Variants in ADGRL3 observed in about 807,000 individuals in gnomAD.
ADGRL3 encodes the protein calcium-independent alpha-latrotoxin receptor 3.
In ADGRL3, 62 loss-of-function variants were observed where a neutral mutation model predicts 153.5. The observed-to-expected ratio is 0.40, with a 90% CI of 0.33 to 0.50. The LOEUF is 0.50. Ranked by LOEUF, ADGRL3 falls within the 20% of genes least tolerant of loss-of-function variation. The pLI is 0.47. For synonymous variants in ADGRL3, 710 were observed against 672.5 expected (o/e 1.06, Z -0.86); for missense variants, 1,641 against 1,859.4 (o/e 0.88, Z 2.16).
chr4:61,775,772 T>C (rs2097140708), intron 8 of ADGRL3: 2 of 811,260 alleles, frequency 2.5e-6, no homozygotes, highest in Non-Finnish European at 4.4e-6. Context: ...CAATCGTGGA[T>C]GAGGGCAGTC....
intron 7 of ADGRL3, among the ~76,000 whole-genome samples, chr4:61,731,623 C>T (rs2096444331): frequency 6.6e-6 from 1 of 152,082 alleles, no homozygotes; most frequent in African/African-American, 2.4e-5. Context: ...GTGAAATTTG[C>T]TCACCCTTCC....
At position 62,072,054 on chromosome 4, in the gene ADGRL3, G is replaced by A. The variant is rs1577781757; in HGVS notation, c.*1146G>A. On this transcript the variant is annotated 3_prime_UTR_variant, in exon 27 of 27. Coordinates refer to ENST00000683033, the MANE Select transcript of ADGRL3 (RefSeq NM_001387552.1). The stretch of plus-strand genomic sequence containing the variant: ...TAGCTATGATTCTAGAAGTCAAAAG[G>A]TGTCTATAGAACTAGTGGGGCTTCT... The A allele has an allele frequency of 5.9e-6, 1 of 168,756 alleles. No individual in the cohort carries two copies. Among genetic ancestry groups the A allele is most frequent in the Non-Finnish European group, 1.3e-5 (1 of 78,704 alleles). The allele number at this position is 168,756 out of a possible 1,614,324, so 10.5% of individuals were successfully genotyped here.
At chr4:61,257,914 G>C (rs2092143461) in intron 1 of ADGRL3, among the ~76,000 whole-genome samples, 1 of 152,064 alleles carries the variant, frequency 6.6e-6, no homozygotes, top group African/African-American at 2.4e-5. Flanking sequence ...AGGCACAGCA[G>C]TTTTGGGGAA....
At chr4:61,420,120 A>G (rs1434885370) in intron 2 of ADGRL3, 1 of 152,022 alleles carries the variant, frequency 6.6e-6, no homozygotes, top group Non-Finnish European at 1.5e-5. Context: ...GATATTTTAA[A>G]CGATCTTTTT....
chr4:61,751,995 C>A (rs2096762970), intron 8 of ADGRL3, among the ~76,000 whole-genome samples: 1 of 151,976 alleles, frequency 6.6e-6, no homozygotes, highest in East Asian at 1.9e-4. Flanking sequence ...AAAGTTATTT[C>A]CCAGGATTGA....
Position 62,006,003 on chromosome 4 carries a change from C to CACACACAT in ADGRL3, c.3395+7739_3395+7740insCACACATA, listed in dbSNP as rs1230956055. Among the ~76,000 whole-genome samples the CACACACAT allele has an allele frequency of 5.8e-3, 282 of 48,960 alleles. 1 individual carries two copies. Among genetic ancestry groups the CACACACAT allele is most frequent in the East Asian group, 0.024 (26 of 1,106 alleles). 32.1% of individuals were successfully genotyped at this position (48,960 alleles called of 152,430 possible). Reference sequence around the variant, plus strand: ...ACACACACACACACACACACACACACATATATATATATATATATATATATA... The same window carrying CACACACAT: ...ACACACACACACACACACACACACACACACACATATATATATATATATATATATATATA... On this transcript the variant is annotated intron_variant, in intron 21 of 26. Coordinates refer to ENST00000683033, the MANE Select transcript of ADGRL3 (RefSeq NM_001387552.1).
chr4:61,841,865 C>T (rs1330452070), intron 9 of ADGRL3, among the ~76,000 whole-genome samples: 4 of 152,050 alleles, frequency 2.6e-5, no homozygotes, highest in Admixed American at 2.0e-4. Context: ...CATACTTGTC[C>T]TGGGGGTAGG....
chr4:61,752,567 G>A (rs535978529), intron 8 of ADGRL3, among the ~76,000 whole-genome samples: 1 of 152,194 alleles, frequency 6.6e-6, no homozygotes, highest in South Asian at 2.1e-4. Flanking sequence ...TTACATGATG[G>A]TCTTATGTTC....
At chr4:61,607,918 T>C (rs974938446) in intron 5 of ADGRL3, among the ~76,000 whole-genome samples, 18 of 152,172 alleles carry the variant, frequency 1.2e-4, no homozygotes, top group African/African-American at 4.3e-4. Context: ...CATGCTCTTT[T>C]CTAAGAGCCA....
intron 9 of ADGRL3, among the ~76,000 whole-genome samples, chr4:61,842,788 G>GT (rs1275576552): frequency 1.3e-5 from 2 of 152,138 alleles, no homozygotes; most frequent in African/African-American, 4.8e-5. Context: ...GCTGTTTTTG[G>GT]TGGATGATAA....
intron 2 of ADGRL3, among the ~76,000 whole-genome samples, chr4:61,460,014 C>T (rs2097791844): frequency 6.6e-6 from 1 of 152,068 alleles, no homozygotes; most frequent in African/African-American, 2.4e-5. Flanking sequence ...TATTTTCTCC[C>T]ATTCTGCAGG....
chr4:61,720,086 A>G (rs1397236912), intron 6 of ADGRL3, among the ~76,000 whole-genome samples: 1 of 115,296 alleles, frequency 8.7e-6, no homozygotes, highest in Non-Finnish European at 1.7e-5. Flanking sequence ...ACTCAGAGTG[A>G]TACTTTTTTT....
chr4:61,232,249 A>G (rs192925245), intron 1 of ADGRL3, among the ~76,000 whole-genome samples: 3 of 152,126 alleles, frequency 2.0e-5, no homozygotes, highest in East Asian at 3.9e-4. Context: ...CAGAATATCA[A>G]TTTTGGAGCT....
At chr4:61,798,126 T>A (rs1160011802) in intron 8 of ADGRL3, among the ~76,000 whole-genome samples, 1 of 152,178 alleles carries the variant, frequency 6.6e-6, no homozygotes, top group African/African-American at 2.4e-5. Context: ...TAGCATGAAT[T>A]TTCTGAAACA....
At chr4:61,295,565 G>A (rs539501885) in intron 1 of ADGRL3, among the ~76,000 whole-genome samples, 1 of 152,054 alleles carries the variant, frequency 6.6e-6, no homozygotes, top group African/African-American at 2.4e-5. Context: ...AACTGAGCAA[G>A]TTAATAATTG....
At chr4:61,741,360 A>T (rs1441318927) in intron 8 of ADGRL3, among the ~76,000 whole-genome samples, 2 of 152,218 alleles carry the variant, frequency 1.3e-5, no homozygotes, top group Admixed American at 6.5e-5. Context: ...AGCTGAGTGA[A>T]CTTTACAAAA....
chr4:61,309,735 CA>C (rs2094928127), intron 1 of ADGRL3, among the ~76,000 whole-genome samples: 1 of 151,886 alleles, frequency 6.6e-6, no homozygotes, highest in Non-Finnish European at 1.5e-5. Context: ...GCCTTCCACC[CA>C]AAAAAGTGAA....
At chr4:61,855,520 A>T (rs1203298950) in intron 9 of ADGRL3, among the ~76,000 whole-genome samples, 1 of 152,174 alleles carries the variant, frequency 6.6e-6, no homozygotes, top group East Asian at 1.9e-4. Context: ...AATAATATTG[A>T]TATATTGATA....
chr4:61,570,484 C>T (rs2098834138), intron 4 of ADGRL3, among the ~76,000 whole-genome samples: 1 of 152,132 alleles, frequency 6.6e-6, no homozygotes, highest in Non-Finnish European at 1.5e-5. Flanking sequence ...TCTTGCTTGT[C>T]TCAGGCATAT....
Sources: gnomAD v4.1 joint callset for allele counts (sites outside exome capture counted in the v4.1 genomes callset) on GRCh38, gnomAD v4.1.1 for gene constraint, MANE v1.5 for transcripts, NCBI Gene and HGNC (gene_info 2026-07-23, HGNC 2026-07-21) for gene names.